GRIN2A: variants seen among roughly 807,000 people sequenced by gnomAD.
GRIN2A encodes the protein glutamate ionotropic receptor NMDA type subunit 2A.
A neutral mutation model predicts 113.4 loss-of-function variants in GRIN2A; 22 were observed. The ratio of observed to expected loss-of-function variants is 0.19; its 90% CI spans 0.14 to 0.28. The LOEUF is 0.28. GRIN2A is among the 10% of genes least tolerant of loss of function. The pLI, the probability that GRIN2A is intolerant of heterozygous loss-of-function variation, is 1.00. For synonymous variants in GRIN2A, 827 were observed against 738.4 expected, an observed-to-expected ratio of 1.12 and a Z score of -1.94; for missense variants, 1,502 against 1,887.0, an observed-to-expected ratio of 0.80 and a Z score of 3.78.
intron 11 of GRIN2A, among the ~76,000 whole-genome samples, chr16:9,784,317 C>T (rs763251380): frequency 3.3e-5 from 5 of 151,818 alleles, no homozygotes; most frequent in Admixed American, 6.6e-5. Flanking sequence ...GTAATCCCAG[C>T]TACTCGGGAG....
At chr16:9,961,868 C>G (rs1388995334) in intron 2 of GRIN2A, among the ~76,000 whole-genome samples, 1 of 152,200 alleles carries the variant, frequency 6.6e-6, no homozygotes, top group Non-Finnish European at 1.5e-5. Context: ...CGCTACCTGA[C>G]TTCAAACTAT....
At chr16:10,005,195 T>C (rs2046384924) in intron 2 of GRIN2A, among the ~76,000 whole-genome samples, 1 of 152,144 alleles carries the variant, frequency 6.6e-6, no homozygotes. Flanking sequence ...GTTTAAGAAA[T>C]TACTTCTTTG....
At chr16:10,037,185 C>G (rs577643480) in intron 2 of GRIN2A, 1 of 152,276 alleles carries the variant, frequency 6.6e-6, no homozygotes, top group South Asian at 2.1e-4. Context: ...AACATGCTGA[C>G]CTGGTCGGTC....
chr16:10,079,161 G>A (rs2047933624), intron 2 of GRIN2A, among the ~76,000 whole-genome samples: 1 of 152,192 alleles, frequency 6.6e-6, no homozygotes, highest in Admixed American at 6.5e-5. Context: ...GATACACAAG[G>A]CCTGTGCCTT....
intron 2 of GRIN2A, among the ~76,000 whole-genome samples, chr16:9,946,461 C>T (rs2141659455): frequency 6.6e-6 from 1 of 152,310 alleles, no homozygotes; most frequent in East Asian, 1.9e-4. Context: ...CCCTGGCCTT[C>T]TCTGTGCCTC....
At chr16:9,965,272 T>C (rs1013978483) in intron 2 of GRIN2A, among the ~76,000 whole-genome samples, 2 of 152,200 alleles carry the variant, frequency 1.3e-5, no homozygotes, top group African/African-American at 4.8e-5. Flanking sequence ...CTGTGCCGTA[T>C]CAACCAGCTG....
intron 2 of GRIN2A, among the ~76,000 whole-genome samples, chr16:10,000,528 T>C (rs1223309360): frequency 2.6e-5 from 4 of 152,120 alleles, no homozygotes; most frequent in Non-Finnish European, 5.9e-5. Flanking sequence ...CAGTGAGTTA[T>C]GTTCTAAAGC....
chr16:9,772,403 C>A (rs1008913628), intron 11 of GRIN2A, among the ~76,000 whole-genome samples: 2 of 152,174 alleles, frequency 1.3e-5, no homozygotes, highest in African/African-American at 2.4e-5. Flanking sequence ...TGGGGTCTCA[C>A]TACAGTCGCC....
intron 10 of GRIN2A, among the ~76,000 whole-genome samples, chr16:9,803,138 C>T (rs569354051): frequency 7.8e-4 from 119 of 152,240 alleles, no homozygotes; most frequent in Admixed American, 5.8e-3. Flanking sequence ...GGCACAGTGG[C>T]TAGCGCCTAA....
chr16:9,868,228 C>T (rs1353955084), intron 4 of GRIN2A, among the ~76,000 whole-genome samples: 2 of 152,096 alleles, frequency 1.3e-5, no homozygotes, highest in Non-Finnish European at 2.9e-5. Flanking sequence ...GGTAGATTTG[C>T]TCTTCATCCC....
chr16:9,904,735 A>T (rs1390613988), intron 3 of GRIN2A, among the ~76,000 whole-genome samples: 1 of 152,032 alleles, frequency 6.6e-6, no homozygotes, highest in Non-Finnish European at 1.5e-5. Context: ...ACATCATCTA[A>T]CCCTAATTAC....
chr16:10,064,312 C>T (rs77377182), intron 2 of GRIN2A, among the ~76,000 whole-genome samples: 1 of 152,200 alleles, frequency 6.6e-6, no homozygotes, highest in Admixed American at 6.5e-5. Context: ...AGGCACCTCA[C>T]TTCGTTCGCC....
Position 9,877,799 on chromosome 16 carries a change from T to C in GRIN2A, c.1122+13187A>G, listed in dbSNP as rs564348451. ...CCCCTCCCGCTCTCACTCTCCCCCTTACTCTTTCCCTCTCCCCCCATCCCC... is the reference window on the plus strand; with the variant it reads ...CCCCTCCCGCTCTCACTCTCCCCCTCACTCTTTCCCTCTCCCCCCATCCCC... On this transcript the variant is annotated intron_variant, in intron 4 of 12. Transcript: ENST00000330684. Among the ~76,000 whole-genome samples the C allele has an allele frequency of 5.7e-4, 51 of 89,716 alleles. 1 individual carries two copies. Among genetic ancestry groups the C allele is most frequent in the African/African-American group, 1.8e-3 (38 of 21,194 alleles). The allele number at this position is 89,716 out of a possible 152,430, so 58.9% of individuals were successfully genotyped here. A position where few individuals can be genotyped will look rare whatever the true frequency, so the allele number is the denominator to read the frequency against.
intron 2 of GRIN2A, among the ~76,000 whole-genome samples, chr16:10,158,528 T>C (rs1040279145): frequency 1.3e-5 from 2 of 152,172 alleles, no homozygotes; most frequent in Admixed American, 6.5e-5. Context: ...CAAATGCCCA[T>C]CAATGGTTGA....
At chr16:9,951,651 G>T (rs543442814) in intron 2 of GRIN2A, among the ~76,000 whole-genome samples, 1 of 152,172 alleles carries the variant, frequency 6.6e-6, no homozygotes, top group African/African-American at 2.4e-5. Context: ...GGGTGGAAAA[G>T]GGAGAGATTT....
intron 2 of GRIN2A, among the ~76,000 whole-genome samples, chr16:10,113,518 T>G (rs752483323): frequency 2.6e-4 from 39 of 152,338 alleles, no homozygotes; most frequent in Admixed American, 1.0e-3. Context: ...TCAGCTGCAG[T>G]TGAAGGCTTT....
At chr16:10,135,116 G>C (rs914073630) in intron 2 of GRIN2A, among the ~76,000 whole-genome samples, 5 of 152,138 alleles carry the variant, frequency 3.3e-5, no homozygotes, top group African/African-American at 1.2e-4. Flanking sequence ...TTTACTAAAA[G>C]GAGCAAGAAG....
In GRIN2A at chr16:9,871,145, TCACACCCACCTGG is replaced by T. The variant is rs2043253092; in HGVS notation, c.1122+19828_1122+19840del. On this transcript the variant is annotated intron_variant, in intron 4 of 12. Coordinates refer to ENST00000330684, the MANE Select transcript of GRIN2A (RefSeq NM_001134407.3). Reference sequence around the variant, plus strand: ...TTCCTGCTCCCATCTTGTCCTCCTGTCACACCCACCTGGCACCACCTTCCACCCAGCTCTGAGT... The same window carrying T: ...TTCCTGCTCCCATCTTGTCCTCCTGTCACCACCTTCCACCCAGCTCTGAGT... Among the ~76,000 whole-genome samples the T allele has an allele frequency of 2.0e-5, 3 of 152,142 alleles. No homozygotes were observed. In the South Asian group the frequency reaches 6.2e-4, roughly 32 times the overall value.
chr16:10,013,674 T>C (rs1306872179), intron 2 of GRIN2A, among the ~76,000 whole-genome samples: 1 of 152,232 alleles, frequency 6.6e-6, no homozygotes, highest in Non-Finnish European at 1.5e-5. Flanking sequence ...ACCAGCATCC[T>C]CCTGGGTCAG....
Sources: allele counts gnomAD v4.1 joint callset (sites outside exome capture counted in the v4.1 genomes callset), GRCh38; gene constraint gnomAD v4.1.1; transcripts MANE v1.5; gene names NCBI Gene and HGNC (gene_info 2026-07-23, HGNC 2026-07-21).